RNF213: variants seen among roughly 807,000 people sequenced by gnomAD.
The protein encoded by RNF213 is ring finger protein 213.
RNF213 carries 341 observed loss-of-function variants against 514.4 expected under a neutral mutation model. That is an observed-to-expected ratio of 0.66 (90% CI 0.61 to 0.73). The LOEUF (loss-of-function observed/expected upper bound fraction) is 0.73, where lower values mean the gene tolerates loss of function less well. RNF213 is among the 30% of genes least tolerant of loss of function. RNF213 has a pLI of 0.00. For synonymous variants in RNF213, 2,655 were observed against 2,658.2 expected (o/e 1.00, Z 0.04); for missense variants, 5,767 against 6,615.6 (o/e 0.87, Z 4.45).
chr17:80,329,555 A>C (rs1450144081), intron 20 of RNF213, among the ~76,000 whole-genome samples: 1 of 152,182 alleles, frequency 6.6e-6, no homozygotes, highest in Non-Finnish European at 1.5e-5. Flanking sequence ...GAGGCTGGGC[A>C]TGTTGGCTCC....
intron 7 of RNF213, 146 bp from the exon 8 acceptor site, chr17:80,291,482 C>A: frequency 1.3e-6 from 1 of 798,054 alleles, no homozygotes; most frequent in Non-Finnish European, 2.2e-6. Context: ...CTCAGCCTCC[C>A]ATGGTGTTGG....
chr17:80,332,743 C>T (rs1042632528), intron 21 of RNF213, 112 bp downstream of exon 21: 37 of 1,240,604 alleles, frequency 3.0e-5, no homozygotes, highest in Admixed American at 5.8e-5. Flanking sequence ...TTAGAGCTTC[C>T]GTCAGGGGCT....
intron 14 of RNF213, among the ~76,000 whole-genome samples, chr17:80,309,459 C>T (rs1268299580): frequency 2.6e-5 from 4 of 152,086 alleles, no homozygotes; most frequent in Admixed American, 6.6e-5. Flanking sequence ...AGAGAGCTGG[C>T]GCAGGGGCTG....
intron 42 of RNF213, among the ~76,000 whole-genome samples, chr17:80,367,063 A>G (rs1290962028): frequency 6.6e-6 from 1 of 152,248 alleles, no homozygotes; most frequent in East Asian, 1.9e-4. Flanking sequence ...CCCATTAACC[A>G]GCAGACAGGT....
chr17:80,340,460 C>T, intron 26 of RNF213, 104 bp downstream of exon 26: 1 of 1,145,744 alleles, frequency 8.7e-7, no homozygotes, highest in South Asian at 1.4e-5. Flanking sequence ...GAAACCGAGG[C>T]TCAGGGAGGG....
chr17:80,349,126 G>A (rs2078413920), intron 29 of RNF213, among the ~76,000 whole-genome samples: 1 of 152,136 alleles, frequency 6.6e-6, no homozygotes, highest in Non-Finnish European at 1.5e-5. Flanking sequence ...GGTCCGGGGC[G>A]ACCCCCTGGA....
At position 80,346,999 on chromosome 17, in the gene RNF213, C is replaced by T; in HGVS notation, c.8664C>T (p.Ala2888=). 6.2e-7 allele frequency: 1 copy of T among 1,613,866 alleles called. No individual in the cohort carries two copies. Among genetic ancestry groups the T allele is most frequent in the Non-Finnish European group, 8.5e-7 (1 of 1,179,898 alleles). ...KVGFVGISNW[A]LDPAKMNRGI... ...GCTTCGTGGGCATCTCCAACTGGGC[C>T]CTTGACCCTGCCAAGATGAACCGGG... is the stretch of plus-strand genomic sequence containing the variant. The change falls in exon 29 of 68, where the codon GCC becomes GCT. Residue 2888 remains alanine (A), a synonymous_variant. Coordinates refer to ENST00000582970, the MANE Select transcript of RNF213 (RefSeq NM_001256071.3). The surrounding 1 kb of genome is among the most constrained non-coding windows in gnomAD (Gnocchi z 8.1).
In RNF213 at chr17:80,339,749, C is replaced by T. The variant is rs1437813596; in HGVS notation, c.5382C>T (p.Pro1794=). Residue 1794 remains proline, a synonymous_variant, in exon 26 of 68, where the codon CCC becomes CCT. Transcript: ENST00000582970. ...TGAGGTGCCTTCCTGCCTTCCTGCC[C>T]GACTGCCTCGACCTAGAGACCCTTG... is the stretch of plus-strand genomic sequence containing the variant. ...QSMRCLPAFL[P]DCLDLETLGH... is the part of the protein sequence containing the mutation. The T allele has an allele frequency of 1.1e-5, 17 of 1,537,048 alleles. No homozygotes were observed. In the East Asian group the frequency reaches 1.5e-4, roughly 13 times the overall value.
At chr17:80,351,663 TC>T in intron 31 of RNF213, 21 bp from the exon 32 acceptor site, 1 of 1,210,268 alleles carries the variant, frequency 8.3e-7, no homozygotes, top group Non-Finnish European at 1.2e-6. Context: ...AAATAGGTAT[TC>T]TTTTTTTTTT....
rs2078265348 is a variant in RNF213 at position 80,345,072 on chromosome 17, G to A, written c.6737G>A (p.Gly2246Asp). The change falls in exon 29 of 68, where the codon GGC becomes GAC. Residue 2246 changes from glycine to aspartate, a missense_variant. Gly to Asp is a moderately conservative substitution (Grantham distance 94). Transcript: ENST00000582970. The surrounding 1 kb of genome is among the most constrained non-coding windows in gnomAD (Gnocchi z 6.0). ...AGTTTTATTGGCGACACACTGAGGG[G>A]CTTCAAGAAGTTCGTGGTGACCTTC... ...NPSFIGDTLR[G>D]FKKFVVTFMI... 2 of 1,613,970 alleles carry A rather than the reference G, an allele frequency of 1.2e-6. No homozygotes were observed. Among genetic ancestry groups the A allele is most frequent in the Admixed American group, 3.3e-5 (2 of 59,990 alleles).
chr17:80,341,501 G>C (rs145543645), intron 26 of RNF213: 77 of 152,256 alleles, frequency 5.1e-4, no homozygotes, highest in African/African-American at 1.6e-3. Flanking sequence ...TTATTAGCTA[G>C]TCACTCAACA....
At chr17:80,355,655 C>G (rs12603539) in intron 36 of RNF213, among the ~76,000 whole-genome samples, 1 of 10,746 alleles carries the variant, frequency 9.3e-5, no homozygotes, top group Non-Finnish European at 1.6e-4. Context: ...GCGGGGTGGA[C>G]GGGAATGGGG....
chr17:80,350,779 C>G (rs900792894), intron 31 of RNF213, among the ~76,000 whole-genome samples: 1 of 152,158 alleles, frequency 6.6e-6, no homozygotes, highest in Non-Finnish European at 1.5e-5. Context: ...AGCCTAGGGG[C>G]CAGAGCAAGA....
Position 80,387,370 on chromosome 17 carries a change from T to C in RNF213, c.14922+479T>C, listed in dbSNP as rs575095952. Among the ~76,000 whole-genome samples the C allele has an allele frequency of 2.0e-5, 3 of 152,344 alleles. No homozygotes were observed. In the South Asian group the frequency reaches 6.2e-4, roughly 32 times the overall value. The stretch of plus-strand genomic sequence containing the variant: ...ATCCACCCGCCTAGGCCTCCCAAAG[T>C]GCTGGGATTATAGGCGTGAGCCACT... On this transcript the variant is annotated intron_variant, in intron 63 of 67. Transcript: ENST00000582970.
Position 80,353,874 on chromosome 17 carries a change from C to T in RNF213, c.10579-145C>T, listed in dbSNP as rs577669540. 1.7e-5 allele frequency: 21 copies of T among 1,217,894 alleles called. No individual in the cohort carries two copies. Among genetic ancestry groups the T allele is most frequent in the Middle Eastern group, 1.9e-4 (1 of 5,348 alleles). The allele number at this position is 1,217,894 out of a possible 1,614,324, so 75.4% of individuals were successfully genotyped here. A position where few individuals can be genotyped will look rare whatever the true frequency, so the allele number is the denominator to read the frequency against. On this transcript the variant is annotated intron_variant, in intron 34 of 67. Coordinates refer to ENST00000582970, the MANE Select transcript of RNF213 (RefSeq NM_001256071.3). This position sits in a 1 kb window ranked among gnomAD's most constrained non-coding sequence, Gnocchi z 5.0. ...CACCGGCAGTTTGGGGGGTGCAGGG[C>T]GGAGGTCGGCGTCTCTTCTTTGTCC...
Position 80,337,639 on chromosome 17 carries a change from G to T in RNF213, c.4581G>T (p.Gly1527=). 2.6e-6 allele frequency: 4 copies of T among 1,537,278 alleles called. No homozygotes were observed. The highest frequency in any genetic ancestry group is 3.5e-6 in the Non-Finnish European group (4 of 1,146,928). ...TGAAGACTGTGAATGAGAGTCATGG[G>T]TCTGTGGAACGCTCATCCCTGACCC... The part of the protein sequence containing the change: ...EWLKTVNESH[G]SVERSSLTLA... The change falls in exon 24 of 68, where the codon GGG becomes GGT. Residue 1527 remains glycine (G), a synonymous_variant. Coordinates refer to ENST00000582970, the MANE Select transcript of RNF213 (RefSeq NM_001256071.3).
intron 15 of RNF213, chr17:80,315,803 A>C (rs911513049): frequency 5.1e-5 from 1 of 19,740 alleles, no homozygotes; most frequent in Non-Finnish European, 1.2e-4. Flanking sequence ...GTGGTGGTGG[A>C]GGTGGTGGTG....
rs1410969629 is a variant in RNF213, at chr17:80,289,820, C to A, written c.1095C>A (p.Val365=). The A allele has an allele frequency of 1.2e-6, 2 of 1,610,832 alleles. No individual in the cohort carries two copies. Among genetic ancestry groups the A allele is most frequent in the East Asian group, 4.5e-5 (2 of 44,880 alleles). Residue 365 remains valine (V), a synonymous_variant, in exon 6 of 68, where the codon GTC becomes GTA. Coordinates refer to ENST00000582970, the MANE Select transcript of RNF213 (RefSeq NM_001256071.3). The part of the protein sequence containing the change: ...EKEQKNQEAD[V]QEVKASTLSP... ...AGCAAAAAAACCAGGAAGCAGATGT[C>A]CAGGAAGTGAAGGCAAGGTAGGGAT...
chr17:80,375,770 C>A lies in RNF213; in HGVS notation c.13085C>A (p.Thr4362Asn), dbSNP rs747816525. Residue 4362 changes from threonine to asparagine, a missense_variant, in exon 51 of 68, where the codon ACC (threonine) becomes AAC (asparagine). Transcript: ENST00000582970. ...GIKTALKACK[T>N]PQSQQSAYFL... Reference sequence around the variant, plus strand: ...CCCTTGATTTTGCAGGCCTGCAAGACCCCCCAAAGCCAGCAGTCAGCCTAC... The same window carrying A: ...CCCTTGATTTTGCAGGCCTGCAAGAACCCCCAAAGCCAGCAGTCAGCCTAC... 1 of 1,612,442 alleles carries A rather than the reference C, an allele frequency of 6.2e-7. No individual in the cohort carries two copies. Among genetic ancestry groups the A allele is most frequent in the Non-Finnish European group, 8.5e-7 (1 of 1,178,540 alleles).
Sources: allele counts gnomAD v4.1 joint callset (sites outside exome capture counted in the v4.1 genomes callset), GRCh38; gene constraint gnomAD v4.1.1; non-coding constraint Gnocchi (gnomAD v3.1); transcripts MANE v1.5; gene names NCBI Gene and HGNC (gene_info 2026-07-23, HGNC 2026-07-21).